The following TMEM132B variants were observed in gnomAD, a reference collection of about 807,000 sequenced individuals.
TMEM132B encodes the protein transmembrane protein 132B.
A neutral mutation model predicts 90.8 loss-of-function variants in TMEM132B; 18 were observed. The observed-to-expected ratio is 0.20, with a 90% CI of 0.14 to 0.29. The LOEUF is 0.29. Among genes scored for constraint, TMEM132B ranks in the 10% least tolerant of loss-of-function variants. The pLI is 1.00. For missense variants in TMEM132B, 1,096 were observed against 1,326.8 expected, an observed-to-expected ratio of 0.83 and a Z score of 2.70; for synonymous variants, 504 against 523.3, an observed-to-expected ratio of 0.96 and a Z score of 0.50.
At chr12:125,614,465 C>T (rs969275298) in intron 5 of TMEM132B, among the ~76,000 whole-genome samples, 2 of 152,126 alleles carry the variant, frequency 1.3e-5, no homozygotes, top group Admixed American at 6.6e-5. Flanking sequence ...TTTATGGCTG[C>T]ATAGTACTCC....
At chr12:125,418,467 C>T (rs1387743244) in intron 3 of TMEM132B, among the ~76,000 whole-genome samples, 2 of 152,188 alleles carry the variant, frequency 1.3e-5, no homozygotes, top group African/African-American at 4.8e-5. Flanking sequence ...CTTACCTAAT[C>T]TCGCAAAATC....
chr12:125,461,464 T>C (rs1881434375), intron 3 of TMEM132B, among the ~76,000 whole-genome samples: 1 of 152,232 alleles, frequency 6.6e-6, no homozygotes, highest in Admixed American at 6.5e-5. Flanking sequence ...CCTGCCCCTC[T>C]AACCAGGAGA....
chr12:125,218,152 A>G (rs1305339706), intron 1 of TMEM132B, among the ~76,000 whole-genome samples: 1 of 152,138 alleles, frequency 6.6e-6, no homozygotes, highest in Non-Finnish European at 1.5e-5. Context: ...GAGTCCTATA[A>G]GACTGGGGGA....
intron 3 of TMEM132B, among the ~76,000 whole-genome samples, chr12:125,444,521 C>T (rs969030583): frequency 1.3e-5 from 2 of 152,126 alleles, no homozygotes; most frequent in African/African-American, 2.4e-5. Context: ...TTGCTATTAT[C>T]AATAATCTTT....
chr12:125,465,630 G>A (rs1412588720), intron 3 of TMEM132B, among the ~76,000 whole-genome samples: 3 of 152,150 alleles, frequency 2.0e-5, no homozygotes, highest in Non-Finnish European at 4.4e-5. Context: ...CCCCCTGGAC[G>A]GACAGCCTCT....
intron 5 of TMEM132B, among the ~76,000 whole-genome samples, chr12:125,607,145 A>G (rs1458168756): frequency 6.6e-6 from 1 of 152,240 alleles, no homozygotes; most frequent in Non-Finnish European, 1.5e-5. Context: ...GTCAGGTGGT[A>G]TAGCATACAG....
Position 125,661,584 on chromosome 12 carries a change from T to C in TMEM132B, c.*6874T>C, listed in dbSNP as rs952536580. The stretch of plus-strand genomic sequence containing the variant: ...CTTCCTTTCTGTAGTTATCCTCTGC[T>C]GTGACCCTTATTTTGGACTTCTAGC... On this transcript the variant is annotated 3_prime_UTR_variant, in exon 9 of 9. Transcript: ENST00000682704. The C allele has an allele frequency of 3.9e-5, 6 of 152,274 alleles. No individual in the cohort carries two copies. The highest frequency in any genetic ancestry group is 8.8e-5 in the Non-Finnish European group (6 of 68,068). 9.4% of individuals were successfully genotyped at this position (152,274 alleles called of 1,614,324 possible).
intron 5 of TMEM132B, among the ~76,000 whole-genome samples, chr12:125,632,367 T>A (rs1215655794): frequency 2.0e-5 from 3 of 152,126 alleles, no homozygotes; most frequent in Non-Finnish European, 4.4e-5. Flanking sequence ...TTGTTACAGT[T>A]ATTATTTTTG....
At chr12:125,444,877 AC>A (rs140658667) in intron 3 of TMEM132B, among the ~76,000 whole-genome samples, 3,738 of 152,254 alleles carry the variant, frequency 0.025, 142 homozygotes, top group African/African-American at 0.085. Flanking sequence ...AAGAAATTCT[AC>A]TTGTAGAATG....
intron 4 of TMEM132B, among the ~76,000 whole-genome samples, chr12:125,577,566 T>G (rs1391900374): frequency 6.7e-6 from 1 of 150,036 alleles, no homozygotes; most frequent in Non-Finnish European, 1.5e-5. Flanking sequence ...ATAAATAATG[T>G]GATATAATAT....
intron 1 of TMEM132B, among the ~76,000 whole-genome samples, chr12:125,236,950 G>C (rs1010219074): frequency 6.6e-6 from 1 of 152,260 alleles, no homozygotes; most frequent in South Asian, 2.1e-4. Context: ...AGTGGAGCAG[G>C]AGAGGGAGGA....
intron 1 of TMEM132B, among the ~76,000 whole-genome samples, chr12:125,198,330 G>C (rs991946767): frequency 4.6e-5 from 7 of 152,246 alleles, no homozygotes; most frequent in African/African-American, 1.4e-4. Context: ...CTGGGTCCAG[G>C]GGCTTAACAC....
rs567097046 is a variant in TMEM132B at position 125,454,949 on chromosome 12, C to T, written c.1106+39272C>T. Among the ~76,000 whole-genome samples the T allele has an allele frequency of 5.9e-5, 9 of 152,322 alleles. No individual in the cohort carries two copies. In the East Asian group the frequency reaches 1.4e-3, roughly 23 times the overall value. On this transcript the variant is annotated intron_variant, in intron 3 of 8. Coordinates refer to ENST00000682704, the MANE Select transcript of TMEM132B (RefSeq NM_001366854.1). ...TAAAATTCCTGCACTGAATTGGACT[C>T]ATTAAAAACTTAAAATACACCTCAC...
intron 1 of TMEM132B, among the ~76,000 whole-genome samples, chr12:125,298,502 C>T (rs925984742): frequency 6.6e-6 from 1 of 151,334 alleles, no homozygotes. Flanking sequence ...GGTGAAACCC[C>T]GTCTCAAACA....
rs367708798 is a variant in TMEM132B, at chr12:125,527,436, C to T, written c.1293+7811C>T. Among the ~76,000 whole-genome samples, 41 of 146,720 alleles carry T rather than the reference C, an allele frequency of 2.8e-4. No homozygotes were observed. The East Asian group carries it at 8.4e-3, about 30-fold the overall frequency. On this transcript the variant is annotated intron_variant, in intron 4 of 8. Coordinates refer to ENST00000682704, the MANE Select transcript of TMEM132B (RefSeq NM_001366854.1). ...TCCACCCATTCACCCTTCCATCCACCTATTTACCCTTCCATCCACCCATCC... is the reference window on the plus strand; with the variant it reads ...TCCACCCATTCACCCTTCCATCCACTTATTTACCCTTCCATCCACCCATCC...
intron 3 of TMEM132B, among the ~76,000 whole-genome samples, chr12:125,489,276 G>A (rs11836924): frequency 7.5e-4 from 114 of 152,256 alleles, no homozygotes; most frequent in African/African-American, 2.7e-3. Flanking sequence ...TGAGAAAACT[G>A]AGGCTGAGAG....
intron 3 of TMEM132B, among the ~76,000 whole-genome samples, chr12:125,426,644 C>T (rs1378830989): frequency 6.6e-6 from 1 of 152,316 alleles, no homozygotes; most frequent in East Asian, 1.9e-4. Context: ...TGTGTGGCCA[C>T]GTCAAGGTGT....
intron 1 of TMEM132B, among the ~76,000 whole-genome samples, chr12:125,238,448 G>A (rs868114104): frequency 3.3e-5 from 5 of 151,562 alleles, no homozygotes; most frequent in African/African-American, 1.2e-4. Context: ...GTGTAATTTG[G>A]TTTTCTGTCC....
intron 4 of TMEM132B, among the ~76,000 whole-genome samples, chr12:125,535,814 C>A (rs1261215675): frequency 1.3e-5 from 2 of 152,066 alleles, no homozygotes; most frequent in Non-Finnish European, 2.9e-5. Context: ...TTGTAAGGTC[C>A]CACACTCTTT....
Sources: gnomAD v4.1 joint callset for allele counts (sites outside exome capture counted in the v4.1 genomes callset) on GRCh38, gnomAD v4.1.1 for gene constraint, MANE v1.5 for transcripts, NCBI Gene and HGNC (gene_info 2026-07-23, HGNC 2026-07-21) for gene names.